The following CCDC14 variants were observed in gnomAD, a reference collection of about 807,000 sequenced individuals.
CCDC14 encodes coiled-coil domain-containing protein 14.
CCDC14 carries 71 observed loss-of-function variants against 81.4 expected under a neutral mutation model. That is an observed-to-expected ratio of 0.87 (90% CI 0.72 to 1.06). The LOEUF (loss-of-function observed/expected upper bound fraction) is 1.06, where lower values mean the gene tolerates loss of function less well. Ranked by LOEUF, CCDC14 falls within the 50% of genes least tolerant of loss-of-function variation. The probability of loss-of-function intolerance (pLI) is 0.00; values close to 1 mark genes in which losing one functional copy is unlikely to be tolerated. For missense variants in CCDC14, 1,046 were observed against 1,047.3 expected (o/e 1.00, Z 0.02); for synonymous variants, 332 against 364.8 (o/e 0.91, Z 1.03).
chr3:123,952,227 G>A (rs1160968524), intron 5 of CCDC14, among the ~76,000 whole-genome samples: 1 of 152,162 alleles, frequency 6.6e-6, no homozygotes, highest in Non-Finnish European at 1.5e-5. Flanking sequence ...TAGCTGCTGT[G>A]CAAGCACTGT....
chr3:123,919,219 C>A lies in CCDC14; in HGVS notation c.1779-3501G>T, dbSNP rs538737334. Among the ~76,000 whole-genome samples, 4 of 152,306 alleles carry A rather than the reference C, an allele frequency of 2.6e-5. No individual in the cohort carries two copies. In the East Asian group the frequency reaches 7.7e-4, roughly 29 times the overall value. On this transcript the variant is annotated intron_variant, in intron 12 of 12. Coordinates refer to ENST00000409697, the MANE Select transcript of CCDC14 (RefSeq NM_001366335.1). ...AGCTGTACATATAGTTTCCTGAGGC[C>A]AGGAGGCAAAACTGCATCCTTACAT...
chr3:123,893,966 A>G (rs1276929638), downstream of CCDC14, among the ~76,000 whole-genome samples: 1 of 152,194 alleles, frequency 6.6e-6, no homozygotes, highest in Admixed American at 6.5e-5. Flanking sequence ...ATATATGATT[A>G]GCAAATATTT....
downstream of CCDC14, among the ~76,000 whole-genome samples, chr3:123,892,344 G>A (rs2034001996): frequency 6.6e-6 from 1 of 152,214 alleles, no homozygotes; most frequent in Non-Finnish European, 1.5e-5. Flanking sequence ...TGAAGCTGGA[G>A]CAGCTGGGAC....
intron 1 of CCDC14, chr3:123,957,267 T>C (rs1252572787): frequency 4.6e-5 from 7 of 152,186 alleles, no homozygotes; most frequent in Non-Finnish European, 8.8e-5. Context: ...TACACATATA[T>C]TTGTTCCTTA....
chr3:123,927,433 T>C (rs2035434949), intron 12 of CCDC14, among the ~76,000 whole-genome samples: 1 of 151,906 alleles, frequency 6.6e-6, no homozygotes, highest in Non-Finnish European at 1.5e-5. Context: ...AAAAAAAGTA[T>C]AAAACTGACA....
At chr3:123,940,572 T>C (rs1009584279) in intron 9 of CCDC14, among the ~76,000 whole-genome samples, 1 of 152,034 alleles carries the variant, frequency 6.6e-6, no homozygotes, top group Non-Finnish European at 1.5e-5. Context: ...GTCACTCTCC[T>C]AATTTTAATC....
intron 12 of CCDC14, among the ~76,000 whole-genome samples, chr3:123,928,050 CT>C (rs1164639554): frequency 6.6e-6 from 1 of 152,110 alleles, no homozygotes; most frequent in Non-Finnish European, 1.5e-5. Context: ...AGGTAAGTCC[CT>C]TTTTTCTTTG....
rs2148774079 is a variant in CCDC14 at position 123,913,823 on chromosome 3, C to G, written c.*956G>C. 1 of 985,284 alleles carries G rather than the reference C, an allele frequency of 1.0e-6. No homozygotes were observed. The highest frequency in any genetic ancestry group is 1.1e-4 in the East Asian group (1 of 8,806). 61.0% of individuals were successfully genotyped at this position (985,284 alleles called of 1,614,324 possible). On this transcript the variant is annotated 3_prime_UTR_variant, in exon 13 of 13. Coordinates refer to ENST00000409697, the MANE Select transcript of CCDC14 (RefSeq NM_001366335.1). ...AAAGTATTAGTGATAACACAACATT[C>G]AGCTTCCTAAGAGTTAAAACGTGCT...
chr3:123,918,375 C>T (rs2034832200), intron 12 of CCDC14, among the ~76,000 whole-genome samples: 2 of 152,168 alleles, frequency 1.3e-5, no homozygotes, highest in Admixed American at 1.3e-4. Flanking sequence ...AGTGACATCT[C>T]TTTTAATAAG....
intron 12 of CCDC14, among the ~76,000 whole-genome samples, chr3:123,921,081 A>G (rs1372444778): frequency 6.6e-6 from 1 of 152,230 alleles, no homozygotes; most frequent in Non-Finnish European, 1.5e-5. Context: ...GATTCAAAGC[A>G]TACCATTACA....
At position 123,956,353 on chromosome 3, in the gene CCDC14, A is replaced by T; in HGVS notation, c.159+2T>A. 6.5e-7 allele frequency: 1 copy of T among 1,538,784 alleles called. No individual in the cohort carries two copies. The highest frequency in any genetic ancestry group is 8.8e-7 in the Non-Finnish European group (1 of 1,139,218). Reference sequence around the variant, plus strand: ...GTGTGTATTGTATCTATTCAATCTTACCTGACTTTCTGAATCAGAATGGAT... The same window carrying T: ...GTGTGTATTGTATCTATTCAATCTTTCCTGACTTTCTGAATCAGAATGGAT... On this transcript the variant is annotated splice_donor_variant, in intron 3 of 12. Coordinates refer to ENST00000409697, the MANE Select transcript of CCDC14 (RefSeq NM_001366335.1). LOFTEE classifies it high-confidence loss of function.
rs879050900 is a variant in CCDC14, at chr3:123,956,705, G to A, written c.86+35C>T. The A allele has an allele frequency of 9.2e-6, 14 of 1,516,674 alleles. No homozygotes were observed. In the South Asian group the frequency reaches 1.5e-4, roughly 16 times the overall value. The allele number at this position is 1,516,674 out of a possible 1,614,324, so 94.0% of individuals were successfully genotyped here. On this transcript the variant is annotated intron_variant, in intron 2 of 12. Transcript: ENST00000409697. ...AGCCCAAAGACCTGAAAAATTCCTTGAAATCTGAAGTTGTAAACGTCTTCA... is the reference window on the plus strand; with the variant it reads ...AGCCCAAAGACCTGAAAAATTCCTTAAAATCTGAAGTTGTAAACGTCTTCA...
chr3:123,955,904 G>A lies in CCDC14; in HGVS notation c.291C>T (p.Tyr97=), dbSNP rs776911855. 1.8e-4 allele frequency: 275 copies of A among 1,534,106 alleles called. 1 individual carries two copies. Among genetic ancestry groups the A allele is most frequent in the Non-Finnish European group, 2.3e-4 (258 of 1,136,288 alleles). The change falls in exon 5 of 13, where the codon TAC becomes TAT. Residue 97 remains tyrosine (Y), a synonymous_variant. Transcript: ENST00000409697. ...SNSRPLESKR[Y]GSKKKRHEKH... Reference sequence around the variant, plus strand: ...TTTCATGTCTTTTCTTTTTTGATCCGTATCTTTTGCTTTCTAAAGGTCTAG... The same window carrying A: ...TTTCATGTCTTTTCTTTTTTGATCCATATCTTTTGCTTTCTAAAGGTCTAG...
chr3:123,948,670 T>C, intron 7 of CCDC14, 21 bp downstream of exon 7: 1 of 1,544,642 alleles, frequency 6.5e-7, no homozygotes, highest in Non-Finnish European at 8.8e-7. Flanking sequence ...GTTACTTATG[T>C]AGTATAAGAA....
intron 5 of CCDC14, among the ~76,000 whole-genome samples, chr3:123,903,890 T>C (rs1310663181): frequency 6.6e-6 from 1 of 152,134 alleles, no homozygotes; most frequent in East Asian, 1.9e-4. Context: ...CAGCAGCTTC[T>C]GGAATGTGAC....
intron 9 of CCDC14, among the ~76,000 whole-genome samples, chr3:123,935,354 C>T (rs2035995256): frequency 6.6e-6 from 1 of 152,064 alleles, no homozygotes; most frequent in South Asian, 2.1e-4. Flanking sequence ...TTGAAATGTC[C>T]AACAAAATGT....
the CCDC14 span, among the ~76,000 whole-genome samples, chr3:123,891,795 G>A: frequency 9.9e-4 from 151 of 152,228 alleles, no homozygotes; most frequent in African/African-American, 3.1e-3. Context: ...ACATTTTCAG[G>A]TATCTTTTCA....
intron 12 of CCDC14, among the ~76,000 whole-genome samples, chr3:123,916,124 G>T (rs185856055): frequency 6.6e-6 from 1 of 151,178 alleles, no homozygotes; most frequent in Non-Finnish European, 1.5e-5. Flanking sequence ...TCAGCCTCCC[G>T]AGTAGCTGGG....
chr3:123,955,799 C>T (rs1269508327), intron 5 of CCDC14, 44 bp downstream of exon 5: 5 of 1,428,152 alleles, frequency 3.5e-6, no homozygotes, highest in Middle Eastern at 2.5e-4. Flanking sequence ...AAAATACCCA[C>T]AATTAAGGAT....
Sources: gnomAD v4.1 joint callset for allele counts (sites outside exome capture counted in the v4.1 genomes callset) on GRCh38, gnomAD v4.1.1 for gene constraint, MANE v1.5 for transcripts, NCBI Gene and HGNC (gene_info 2026-07-23, HGNC 2026-07-21) for gene names.